The following ANAPC1 variants were observed in gnomAD, a reference collection of about 807,000 sequenced individuals.
The protein encoded by ANAPC1 is anaphase promoting complex subunit 1.
ANAPC1 carries 36 observed loss-of-function variants against 208.0 expected under a neutral mutation model. The ratio of observed to expected loss-of-function variants is 0.17; its 90% CI spans 0.13 to 0.23. The LOEUF (loss-of-function observed/expected upper bound fraction) is 0.23, where lower values mean the gene tolerates loss of function less well. ANAPC1 is among the 10% of genes least tolerant of loss of function. The pLI is 1.00. For synonymous variants in ANAPC1, 378 were observed against 695.2 expected, an observed-to-expected ratio of 0.54 and a Z score of 7.18; for missense variants, 942 against 2,011.6, an observed-to-expected ratio of 0.47 and a Z score of 10.17.
rs184915599 is a variant in ANAPC1 at position 111,862,519 on chromosome 2, G to C, written c.1132C>G (p.Pro378Ala). The C allele has an allele frequency of 6.2e-7, 1 of 1,611,572 alleles. No individual in the cohort carries two copies. Among genetic ancestry groups the C allele is most frequent in the Admixed American group, 1.7e-5 (1 of 60,010 alleles). ...RFNISSHNQS[P>A]KRHSISHSPN... is the part of the protein sequence containing the mutation. ...GAATGAGAAATACTATGTCTCTTTG[G>C]AGACTGATTATGGCTTGAAATGTTG... The change falls in exon 10 of 48, where the codon CCA becomes GCA. Residue 378 changes from proline to alanine, a missense_variant. Physicochemically the swap from Pro to Ala is conservative, Grantham distance 27 (BLOSUM62 -1). Transcript: ENST00000341068.
chr2:111,846,559 A>ATTTTTTTTT (rs775041785), intron 16 of ANAPC1, among the ~76,000 whole-genome samples: 5 of 46,298 alleles, frequency 1.1e-4, no homozygotes, highest in Non-Finnish European at 1.9e-4. Flanking sequence ...ATATATATAT[A>ATTTTTTTTT]TTTTTTTTTT....
chr2:111,794,433 G>A, intron 35 of ANAPC1, 110 bp from the exon 36 acceptor site: 4 of 581,132 alleles, frequency 6.9e-6, no homozygotes, highest in Non-Finnish European at 1.1e-5. Flanking sequence ...ATCTTTCTGG[G>A]AATGATGAAG....
At chr2:111,854,686 A>G (rs578211531) in intron 13 of ANAPC1, among the ~76,000 whole-genome samples, 1 of 152,334 alleles carries the variant, frequency 6.6e-6, no homozygotes, top group Non-Finnish European at 1.5e-5. Flanking sequence ...CTCAAGAATC[A>G]ACCTCTGTTA....
At chr2:111,794,442 A>G in intron 35 of ANAPC1, 119 bp from the exon 36 acceptor site, 1 of 681,040 alleles carries the variant, frequency 1.5e-6, no homozygotes, top group South Asian at 2.6e-5. Flanking sequence ...GGAATGATGA[A>G]GTGCCCTCAG....
At chr2:111,833,357 C>G in intron 19 of ANAPC1, 46 bp from the exon 20 acceptor site, 1 of 1,520,908 alleles carries the variant, frequency 6.6e-7, no homozygotes. Flanking sequence ...ACAGCACTTT[C>G]TCCCAACAGA....
chr2:111,859,193 C>G (rs1681914504), intron 10 of ANAPC1, among the ~76,000 whole-genome samples: 1 of 152,202 alleles, frequency 6.6e-6, no homozygotes, highest in East Asian at 1.9e-4. Flanking sequence ...TTCTAAAGTG[C>G]TACAGAAGGC....
At chr2:111,808,791 TTTG>T (rs1318821700) in intron 29 of ANAPC1, among the ~76,000 whole-genome samples, 153 bp downstream of exon 29, 2 of 151,982 alleles carry the variant, frequency 1.3e-5, no homozygotes, top group African/African-American at 4.8e-5. Context: ...TACTTAGAGT[TTTG>T]TTGTTTTTTT....
At chr2:111,787,266 A>G (rs186405381) in intron 39 of ANAPC1, among the ~76,000 whole-genome samples, 2,260 of 146,514 alleles carry the variant, frequency 0.015, 30 homozygotes, top group Non-Finnish European at 0.021. Flanking sequence ...ACCCTAGCCA[A>G]TAATTGGCTT....
At chr2:111,880,099 C>T (rs1417044263) in intron 2 of ANAPC1, among the ~76,000 whole-genome samples, 1 of 151,462 alleles carries the variant, frequency 6.6e-6, no homozygotes, top group Non-Finnish European at 1.5e-5. Flanking sequence ...GTTGGCCGGG[C>T]ACAGTGGCTC....
At chr2:111,883,325 A>T (rs958732757) in intron 1 of ANAPC1, among the ~76,000 whole-genome samples, 1 of 152,080 alleles carries the variant, frequency 6.6e-6, no homozygotes, top group Non-Finnish European at 1.5e-5. Context: ...TTATTTTCTT[A>T]TAACTTTGAG....
Position 111,882,201 on chromosome 2 carries a change from CA to C in ANAPC1, c.-24-1353del, listed in dbSNP as rs757201250. ...TCTGTCTCAAAAAAAAAACCAAAAG[CA>C]AAAAAAAAACCTCTAGACCTTAACT... On this transcript the variant is annotated intron_variant, in intron 1 of 47. Coordinates refer to ENST00000341068, the MANE Select transcript of ANAPC1 (RefSeq NM_022662.4). Among the ~76,000 whole-genome samples, 495 of 144,662 alleles carry C rather than the reference CA, an allele frequency of 3.4e-3. 2 individuals are homozygous for C. The highest frequency in any genetic ancestry group is 5.7e-3 in the Non-Finnish European group (375 of 65,300). The allele number at this position is 144,662 out of a possible 152,430, so 94.9% of individuals were successfully genotyped here. A position where few individuals can be genotyped will look rare whatever the true frequency, so the allele number is the denominator to read the frequency against.
intron 6 of ANAPC1, among the ~76,000 whole-genome samples, chr2:111,872,136 T>C (rs1274325158): frequency 1.3e-5 from 2 of 152,190 alleles, no homozygotes; most frequent in Admixed American, 1.3e-4. Flanking sequence ...GTTTGTTGTA[T>C]ATGACTTTTA....
At chr2:111,853,139 T>A (rs1681502516) in intron 13 of ANAPC1, among the ~76,000 whole-genome samples, 1 of 152,208 alleles carries the variant, frequency 6.6e-6, no homozygotes, top group African/African-American at 2.4e-5. Flanking sequence ...CTGGTCATTT[T>A]TTTTTCCCAC....
chr2:111,782,951 C>A (rs1216143353), intron 42 of ANAPC1, among the ~76,000 whole-genome samples: 2 of 152,088 alleles, frequency 1.3e-5, no homozygotes, highest in East Asian at 1.9e-4. Context: ...ACATTGGGAC[C>A]AAACTATAAA....
chr2:111,869,916 T>C (rs1682649992), intron 6 of ANAPC1, among the ~76,000 whole-genome samples: 1 of 152,212 alleles, frequency 6.6e-6, no homozygotes, highest in Non-Finnish European at 1.5e-5. Context: ...ACTCTGTATA[T>C]AGCCTCTGCA....
At chr2:111,880,006 C>A (rs191017054) in intron 2 of ANAPC1, among the ~76,000 whole-genome samples, 3 of 152,246 alleles carry the variant, frequency 2.0e-5, no homozygotes, top group Non-Finnish European at 4.4e-5. Context: ...GAAATCTGGT[C>A]CCCACATATT....
intron 34 of ANAPC1, 92 bp from the exon 35 acceptor site, chr2:111,794,986 T>C: frequency 6.1e-6 from 8 of 1,305,586 alleles, no homozygotes; most frequent in Non-Finnish European, 8.5e-6. Context: ...TTATCATGGC[T>C]ATATTTATAT....
intron 6 of ANAPC1, among the ~76,000 whole-genome samples, chr2:111,869,871 C>G (rs1403610997): frequency 2.0e-5 from 3 of 152,028 alleles, no homozygotes; most frequent in Non-Finnish European, 2.9e-5. Context: ...TTCTTCCCAC[C>G]CTCCTCCTTC....
At chr2:111,841,999 T>C (rs1680790489) in intron 17 of ANAPC1, among the ~76,000 whole-genome samples, 1 of 152,222 alleles carries the variant, frequency 6.6e-6, no homozygotes, top group Admixed American at 6.5e-5. Context: ...TTCCAAACAT[T>C]ACTTGACCTC....
Sources: allele counts gnomAD v4.1 joint callset (sites outside exome capture counted in the v4.1 genomes callset), GRCh38; gene constraint gnomAD v4.1.1; transcripts MANE v1.5; gene names NCBI Gene and HGNC (gene_info 2026-07-23, HGNC 2026-07-21).